Variants in UBXN8 observed in about 807,000 individuals in gnomAD.
UBXN8 encodes UBX domain-containing protein 8.
Under a neutral mutation model 32.1 loss-of-function variants are expected in UBXN8, and 27 were observed. The ratio of observed to expected loss-of-function variants is 0.84; its 90% confidence interval spans 0.62 to 1.16. The LOEUF (loss-of-function observed/expected upper bound fraction) is 1.16, where lower values mean the gene tolerates loss of function less well. UBXN8 is among the 50% of genes most tolerant of loss of function. The pLI, the probability that UBXN8 is intolerant of heterozygous loss-of-function variation, is 0.00. For missense variants in UBXN8, 306 were observed against 311.4 expected (o/e 0.98, Z 0.13); for synonymous variants, 109 against 111.8 (o/e 0.98, Z 0.16).
chr8:30,760,449 T>A (rs1175437088), intron 5 of UBXN8, among the ~76,000 whole-genome samples: 11 of 119,646 alleles, frequency 9.2e-5, no homozygotes, highest in South Asian at 8.7e-4. Flanking sequence ...ATATATTTTT[T>A]TTTTTTTTTA....
At position 30,756,872 on chromosome 8, in the gene UBXN8, G is replaced by C; in HGVS notation, c.513G>C (p.Gln171His). 6.2e-7 allele frequency: 1 copy of C among 1,613,966 alleles called. No homozygotes were observed. Residue 171 changes from glutamine to histidine, a missense_variant, in exon 5 of 8, where the codon CAG becomes CAC. Coordinates refer to ENST00000265616, the MANE Select transcript of UBXN8 (RefSeq NM_005671.4). ...CTGAATTTCCGTCTCCTGCTGAACA[G>C]CCCACATGCAAGGAGGTAAAGTACT... ...PLTEFPSPAE[Q>H]PTCKEIPDLP... is the part of the protein sequence containing the mutation.
chr8:30,731,121 C>T (rs1804941901), upstream of UBXN8, among the ~76,000 whole-genome samples: 1 of 152,148 alleles, frequency 6.6e-6, no homozygotes, highest in South Asian at 2.1e-4. Flanking sequence ...AACAAATGCC[C>T]TCAGCTAAAA....
At chr8:30,759,541 C>G (rs1805768582) in intron 5 of UBXN8, among the ~76,000 whole-genome samples, 1 of 151,760 alleles carries the variant, frequency 6.6e-6, no homozygotes, top group South Asian at 2.1e-4. Context: ...AGCCCAATAT[C>G]TGGATTCTTA....
intron 7 of UBXN8, 97 bp from the exon 8 acceptor site, chr8:30,766,129 AT>A: frequency 1.8e-5 from 23 of 1,289,230 alleles, no homozygotes; most frequent in Non-Finnish European, 2.4e-5. Flanking sequence ...TAGGGATATG[AT>A]TTTACATTGA....
chr8:30,741,498 C>CTATTGCA (rs1805200059), upstream of UBXN8, among the ~76,000 whole-genome samples: 1 of 116,712 alleles, frequency 8.6e-6, no homozygotes, highest in Non-Finnish European at 1.7e-5. Flanking sequence ...ACTCTATTGC[C>CTATTGCA]CAGGCTGGAG....
At chr8:30,732,101 A>C (rs1586082184), upstream of UBXN8, 3 of 307,798 alleles carry the variant, frequency 9.7e-6, no homozygotes, top group East Asian at 1.7e-4. Flanking sequence ...GAAGATCCGG[A>C]GTCAGGTGTC....
At chr8:30,744,654 C>T (rs1805315901) in intron 1 of UBXN8, among the ~76,000 whole-genome samples, 1 of 152,230 alleles carries the variant, frequency 6.6e-6, no homozygotes. Flanking sequence ...CCAGGCTGGT[C>T]TCGAACTCCT....
At chr8:30,747,894 C>CTTTTTTTTTTTTTTTTTTTTTTTT (rs67334347) in intron 1 of UBXN8, among the ~76,000 whole-genome samples, 17 of 35,638 alleles carry the variant, frequency 4.8e-4, no homozygotes, top group Non-Finnish European at 7.6e-4. Flanking sequence ...TATATTTTTT[C>CTTTTTTTTTTTTTTTTTTTTTTTT]TTTTTTTTTT....
At position 30,744,266 on chromosome 8, in the gene UBXN8, T is replaced by C. The variant is rs1258272638; in HGVS notation, c.77T>C (p.Ile26Thr). The C allele has an allele frequency of 6.2e-7, 1 of 1,613,678 alleles. No individual in the cohort carries two copies. The highest frequency in any genetic ancestry group is 8.5e-7 in the Non-Finnish European group (1 of 1,179,762). Residue 26 changes from isoleucine (I) to threonine (T), a missense_variant, in exon 1 of 8, where the codon ATC becomes ACC. Physicochemically the swap from Ile to Thr is moderately conservative, Grantham distance 89. Coordinates refer to ENST00000265616, the MANE Select transcript of UBXN8 (RefSeq NM_005671.4). Reference protein sequence around the residue: ...PLVCLELRRGIPDIGIKDFLL... With the variant: ...PLVCLELRRGTPDIGIKDFLL... ...GTGTGTCTGGAGCTCCGGCGTGGGA[T>C]CCCGGATATAGGTAAGTGTGACTTT...
rs889778225 is a variant in UBXN8 at position 30,766,818 on chromosome 8, C to T, written c.*424C>T. On this transcript the variant is annotated 3_prime_UTR_variant, in exon 8 of 8. Transcript: ENST00000265616. Reference sequence around the variant, plus strand: ...TGCTGTATTTCTGTGAAATTAAAAACTTGGAAGAAGCTTCAAAGCTCTTGG... The same window carrying T: ...TGCTGTATTTCTGTGAAATTAAAAATTTGGAAGAAGCTTCAAAGCTCTTGG... The T allele has an allele frequency of 6.6e-6, 1 of 152,406 alleles. No homozygotes were observed. The highest frequency in any genetic ancestry group is 2.4e-5 in the African/African-American group (1 of 41,442). The allele number at this position is 152,406 out of a possible 1,614,324, so 9.4% of individuals were successfully genotyped here. A position where few individuals can be genotyped will look rare whatever the true frequency, so the allele number is the denominator to read the frequency against.
chr8:30,753,069 T>C lies in UBXN8; in HGVS notation c.246T>C (p.Leu82=), dbSNP rs1235170944. ...EEEKNEKRQK[L]VRKKQQEAQG... The stretch of plus-strand genomic sequence containing the variant: ...AAAAGAATGAGAAAAGACAAAAACT[T>C]GTGAGAAAAAAACAACAAGAAGCAC... Residue 82 remains leucine (L), a synonymous_variant, in exon 3 of 8, where the codon CTT becomes CTC. Coordinates refer to ENST00000265616, the MANE Select transcript of UBXN8 (RefSeq NM_005671.4). The C allele has an allele frequency of 6.5e-7, 1 of 1,528,488 alleles. No individual in the cohort carries two copies. Among genetic ancestry groups the C allele is most frequent in the Non-Finnish European group, 8.8e-7 (1 of 1,138,878 alleles). The allele number at this position is 1,528,488 out of a possible 1,614,324, so 94.7% of individuals were successfully genotyped here. A position where few individuals can be genotyped will look rare whatever the true frequency, so the allele number is the denominator to read the frequency against.
intron 2 of UBXN8, among the ~76,000 whole-genome samples, chr8:30,751,876 A>C (rs904271369): frequency 3.3e-5 from 5 of 151,640 alleles, no homozygotes; most frequent in African/African-American, 1.2e-4. Flanking sequence ...CTACAGAGTC[A>C]ATGTATCTAC....
chr8:30,740,404 T>C, upstream of UBXN8, among the ~76,000 whole-genome samples: 1 of 1,886 alleles, frequency 5.3e-4, no homozygotes, highest in African/African-American at 2.7e-3. Context: ...CCAAAGGCAA[T>C]TAAGGAGCAG....
upstream of UBXN8, among the ~76,000 whole-genome samples, chr8:30,739,313 G>T (rs1368183593): frequency 6.6e-6 from 1 of 150,874 alleles, no homozygotes; most frequent in Non-Finnish European, 1.5e-5. Context: ...GGGAGGCCGA[G>T]GCGGGTGGAT....
At chr8:30,752,820 T>C (rs1805549782) in intron 2 of UBXN8, among the ~76,000 whole-genome samples, 1 of 152,242 alleles carries the variant, frequency 6.6e-6, no homozygotes, top group Non-Finnish European at 1.5e-5. Flanking sequence ...GTGACCAGTA[T>C]TTAATGTATA....
intron 7 of UBXN8, among the ~76,000 whole-genome samples, chr8:30,765,561 T>C (rs1805978302): frequency 6.6e-6 from 1 of 151,864 alleles, no homozygotes; most frequent in African/African-American, 2.4e-5. Context: ...TGTGTGTATA[T>C]ATATAGTTTT....
intron 1 of UBXN8, among the ~76,000 whole-genome samples, chr8:30,738,098 A>T (rs367744431): frequency 3.7e-5 from 1 of 27,308 alleles, no homozygotes; most frequent in African/African-American, 4.5e-5. Context: ...GTGTCTATTT[A>T]AAAAAAAAAA....
At chr8:30,749,853 C>T (rs1805472662) in intron 1 of UBXN8, among the ~76,000 whole-genome samples, 1 of 152,058 alleles carries the variant, frequency 6.6e-6, no homozygotes, top group African/African-American at 2.4e-5. Flanking sequence ...ATCTGCCTGC[C>T]TCGGCCTCCC....
At chr8:30,746,734 C>T (rs1369120488) in intron 1 of UBXN8, among the ~76,000 whole-genome samples, 2 of 138,274 alleles carry the variant, frequency 1.4e-5, no homozygotes, top group Non-Finnish European at 3.1e-5. Flanking sequence ...TATGTTGTGC[C>T]AGGTTGGTCT....
Sources: gnomAD v4.1 joint callset for allele counts (sites outside exome capture counted in the v4.1 genomes callset) on GRCh38, gnomAD v4.1.1 for gene constraint, MANE v1.5 for transcripts, NCBI Gene and HGNC (gene_info 2026-07-23, HGNC 2026-07-21) for gene names.